Variants in FOCAD observed in about 807,000 individuals in gnomAD.
FOCAD encodes KIAA1797.
FOCAD carries 198 observed loss-of-function variants against 225.6 expected under a neutral mutation model. The ratio of observed to expected loss-of-function variants is 0.88; its 90% CI spans 0.78 to 0.99. FOCAD has a LOEUF of 0.99. Ranked by LOEUF, FOCAD falls within the 50% of genes least tolerant of loss-of-function variation. The pLI is 0.00. For missense variants in FOCAD, 2,713 were observed against 2,123.6 expected (o/e 1.28, Z -5.46); for synonymous variants, 897 against 755.0 (o/e 1.19, Z -3.08).
In FOCAD at chr9:20,984,718, C is replaced by T. The variant is rs181090121; in HGVS notation, c.4729-1570C>T. ...CAGATATGCAGGAGGAAAAGGGAAACGTGTGCTAATAGTCTTTTCACATAA... is the reference window on the plus strand; with the variant it reads ...CAGATATGCAGGAGGAAAAGGGAAATGTGTGCTAATAGTCTTTTCACATAA... On this transcript the variant is annotated intron_variant, in intron 39 of 43. Transcript: ENST00000338382. 7.7e-4 allele frequency among the ~76,000 whole-genome samples: 117 copies of T among 152,214 alleles called. 1 individual carries two copies. Among genetic ancestry groups the T allele is most frequent in the African/African-American group, 2.7e-3 (111 of 41,526 alleles).
intron 1 of FOCAD, among the ~76,000 whole-genome samples, chr9:20,688,415 C>G (rs1246955964): frequency 1.3e-5 from 2 of 152,090 alleles, no homozygotes; most frequent in Admixed American, 6.5e-5. Context: ...AGATAGGAAT[C>G]ACATGAGCAA....
intron 28 of FOCAD, 145 bp from the exon 29 acceptor site, chr9:20,944,482 A>G: frequency 2.6e-6 from 2 of 777,766 alleles, no homozygotes; most frequent in Non-Finnish European, 4.1e-6. Flanking sequence ...GTCATGGATG[A>G]TGGGGCACAC....
intron 5 of FOCAD, among the ~76,000 whole-genome samples, chr9:20,751,257 C>G (rs1421181261): frequency 6.7e-6 from 1 of 148,782 alleles, no homozygotes; most frequent in Admixed American, 6.8e-5. Flanking sequence ...TGCGCTGCAC[C>G]CACTAACTCG....
intron 11 of FOCAD, among the ~76,000 whole-genome samples, chr9:20,809,894 T>C (rs1386546693): frequency 6.6e-6 from 1 of 152,140 alleles, no homozygotes; most frequent in Non-Finnish European, 1.5e-5. Flanking sequence ...ACTCTAGAAG[T>C]TATTCTTTTT....
Position 20,929,422 on chromosome 9 carries a change from C to A in FOCAD, c.3143C>A (p.Ser1048Tyr), listed in dbSNP as rs768822931. The change falls in exon 27 of 44, where the codon TCT becomes TAT. Residue 1048 changes from serine (S) to tyrosine (Y), a missense_variant. Ser to Tyr is a moderately radical substitution (Grantham distance 144, BLOSUM62 -2). Transcript: ENST00000338382. ...CGTTCTGCTGCCGCCACGGCTTTGT[C>A]TCTCCTTGTGCCAGTTTTCATTATC... ...IARSAAATAL[S>Y]LLVPVFIISC... 1.9e-6 allele frequency: 3 copies of A among 1,614,104 alleles called. No individual in the cohort carries two copies. Among genetic ancestry groups the A allele is most frequent in the Non-Finnish European group, 2.5e-6 (3 of 1,180,020 alleles).
chr9:20,715,270 C>T (rs1198936443), intron 1 of FOCAD, 52 bp from the exon 2 acceptor site: 2 of 777,254 alleles, frequency 2.6e-6, no homozygotes, highest in East Asian at 5.9e-5. Context: ...AATTGGAGCC[C>T]CAATTCAGAC....
At chr9:20,672,010 C>A (rs1822078875) in intron 2 of FOCAD, among the ~76,000 whole-genome samples, 2 of 150,990 alleles carry the variant, frequency 1.3e-5, no homozygotes, top group Non-Finnish European at 1.5e-5. Flanking sequence ...CCCTGGAGAG[C>A]CTGTTTACCA....
At chr9:20,820,470 T>A in intron 13 of FOCAD, 45 bp downstream of exon 13, 1 of 1,482,026 alleles carries the variant, frequency 6.7e-7, no homozygotes, top group Non-Finnish European at 9.4e-7. Flanking sequence ...TATGTTCCTT[T>A]CACTGAAGGA....
In FOCAD at chr9:20,903,800, A is replaced by G. The variant is rs184065141; in HGVS notation, c.2626-3350A>G. 3.7e-4 allele frequency among the ~76,000 whole-genome samples: 56 copies of G among 152,104 alleles called. 1 individual carries two copies. The highest frequency in any genetic ancestry group is 1.2e-3 in the African/African-American group (49 of 41,532). ...TGTGCAATTCACTGGCATTTAGTAC[A>G]TATACAATGTTGTACAACTATCACC... is the stretch of plus-strand genomic sequence containing the variant. On this transcript the variant is annotated intron_variant, in intron 21 of 43. Coordinates refer to ENST00000338382, the MANE Select transcript of FOCAD (RefSeq NM_001375567.1).
chr9:20,886,478 A>G (rs1446520044), intron 21 of FOCAD, among the ~76,000 whole-genome samples: 2 of 152,210 alleles, frequency 1.3e-5, no homozygotes, highest in Non-Finnish European at 2.9e-5. Context: ...AAAAGTCACC[A>G]TCAGAACAGA....
intron 2 of FOCAD, among the ~76,000 whole-genome samples, chr9:20,677,807 T>A (rs1822279836): frequency 6.6e-6 from 1 of 152,164 alleles, no homozygotes; most frequent in African/African-American, 2.4e-5. Flanking sequence ...TAGAACTATA[T>A]CTGATACTGC....
chr9:20,804,656 A>T (rs533611741), intron 11 of FOCAD, among the ~76,000 whole-genome samples: 35 of 152,252 alleles, frequency 2.3e-4, no homozygotes, highest in African/African-American at 6.7e-4. Context: ...CTTCAGGGGG[A>T]AAAATTAAAT....
chr9:20,729,968 G>A (rs577352642), intron 4 of FOCAD, among the ~76,000 whole-genome samples: 67 of 152,198 alleles, frequency 4.4e-4, no homozygotes, highest in South Asian at 8.3e-4. Context: ...TCTCTAAACA[G>A]CAATAATAAT....
At chr9:20,945,693 A>G (rs988109081) in intron 29 of FOCAD, among the ~76,000 whole-genome samples, 1 of 152,226 alleles carries the variant, frequency 6.6e-6, no homozygotes, top group African/African-American at 2.4e-5. Context: ...GAGCAAATTA[A>G]TTATAAATGA....
At chr9:20,975,683 A>C (rs900974979) in intron 35 of FOCAD, among the ~76,000 whole-genome samples, 1 of 152,160 alleles carries the variant, frequency 6.6e-6, no homozygotes, top group African/African-American at 2.4e-5. Flanking sequence ...AACGTGGAAA[A>C]TTTTTATCCA....
intron 9 of FOCAD, 134 bp downstream of exon 9, chr9:20,778,902 A>AT (rs1163350110): frequency 2.0e-5 from 10 of 502,430 alleles, no homozygotes; most frequent in South Asian, 7.8e-5. Flanking sequence ...ATTAAATAGA[A>AT]TTTTTTTTCT....
chr9:20,822,816 AATGATC>A (rs55700678), intron 14 of FOCAD, among the ~76,000 whole-genome samples, 167 bp from the exon 15 acceptor site: 52,753 of 151,322 alleles, frequency 0.35, 9,386 homozygotes, highest in East Asian at 0.46. Context: ...TATAGCAGAA[AATGATC>A]ATGATGCACA....
At chr9:20,656,761 C>T (rs929322954), upstream of FOCAD, among the ~76,000 whole-genome samples, 14 of 152,108 alleles carry the variant, frequency 9.2e-5, no homozygotes, top group African/African-American at 3.4e-4. Flanking sequence ...TTAATTGGAG[C>T]ATTTAGTCCA....
chr9:20,750,968 C>T (rs140827865), intron 5 of FOCAD, among the ~76,000 whole-genome samples: 43 of 152,164 alleles, frequency 2.8e-4, no homozygotes, highest in Middle Eastern at 3.4e-3. Context: ...ATACAGTATT[C>T]GCTCTGGAAA....
Sources: allele counts gnomAD v4.1 joint callset (sites outside exome capture counted in the v4.1 genomes callset), GRCh38; gene constraint gnomAD v4.1.1; transcripts MANE v1.5; gene names NCBI Gene and HGNC (gene_info 2026-07-23, HGNC 2026-07-21).